Variants in SREBF1 observed in about 807,000 individuals in gnomAD.
SREBF1 encodes sterol regulatory element-binding protein 1.
In SREBF1, 45 loss-of-function variants were observed where a neutral mutation model predicts 100.1. The observed-to-expected ratio is 0.45, with a 90% CI of 0.35 to 0.58. SREBF1 has a LOEUF of 0.58. Among genes scored for constraint, SREBF1 ranks in the 20% least tolerant of loss-of-function variants. SREBF1 has a pLI of 0.00. For missense variants in SREBF1, 1,324 were observed against 1,539.4 expected (o/e 0.86, Z 2.34); for synonymous variants, 657 against 681.8 (o/e 0.96, Z 0.57).
Position 17,836,771 on chromosome 17 carries a change from C to T in SREBF1, c.47G>A (p.Gly16Asp). The change falls in exon 1 of 19, where the codon GGC becomes GAC. Residue 16 changes from glycine to aspartate, a missense_variant. Gly to Asp is a moderately conservative substitution (Grantham distance 94). Transcript: ENST00000261646. ...FSEAALEQAL[G>D]EPCDLDAALL... Reference sequence around the variant, plus strand: ...CGCCGCGTCCAGATCGCACGGCTCGCCCAGCGCCTGCTCCAAAGCCGCCTC... The same window carrying T: ...CGCCGCGTCCAGATCGCACGGCTCGTCCAGCGCCTGCTCCAAAGCCGCCTC... 6.4e-7 allele frequency: 1 copy of T among 1,569,094 alleles called. No individual in the cohort carries two copies. Among genetic ancestry groups the T allele is most frequent in the Non-Finnish European group, 8.6e-7 (1 of 1,165,532 alleles).
chr17:17,817,628 CG>C lies in SREBF1; in HGVS notation c.1404+67del, dbSNP rs2033736205. On this transcript the variant is annotated intron_variant, in intron 7 of 18. Coordinates refer to ENST00000261646, the MANE Select transcript of SREBF1 (RefSeq NM_004176.5). This position sits in a 1 kb window ranked among gnomAD's most constrained non-coding sequence, Gnocchi z 6.6. ...GAGGTAGGATCTGTTAGGGTCTTCCCGGCCCTGTCATGAGGCTCAGAGGATA... is the reference window on the plus strand; with the variant it reads ...GAGGTAGGATCTGTTAGGGTCTTCCCGCCCTGTCATGAGGCTCAGAGGATA... 1 of 1,595,106 alleles carries C rather than the reference CG, an allele frequency of 6.3e-7. No homozygotes were observed.
intron 1 of SREBF1, among the ~76,000 whole-genome samples, chr17:17,836,444 G>A (rs1295842904): frequency 6.6e-6 from 1 of 152,244 alleles, no homozygotes; most frequent in Non-Finnish European, 1.5e-5. Context: ...GGCGGCACCC[G>A]GCCTGGGACG....
intron 1 of SREBF1, among the ~76,000 whole-genome samples, chr17:17,836,096 G>T (rs1490987777): frequency 3.3e-5 from 5 of 152,268 alleles, no homozygotes; most frequent in Admixed American, 3.3e-4. Flanking sequence ...GGTTTCCCGG[G>T]AGATTTTTGT....
chr17:17,820,705 T>G, intron 1 of SREBF1, 184 bp from the exon 2 acceptor site: 1 of 690,418 alleles, frequency 1.4e-6, no homozygotes, highest in Non-Finnish European at 2.6e-6. Context: ...ACAGCCATTT[T>G]GCGAGCACCT....
chr17:17,830,309 G>A (rs73297865), intron 1 of SREBF1, among the ~76,000 whole-genome samples: 3,570 of 152,326 alleles, frequency 0.023, 142 homozygotes, highest in African/African-American at 0.081. Context: ...GATTATAGGC[G>A]TGAGCCACTG....
Position 17,822,921 on chromosome 17 carries a change from T to C in SREBF1, c.92-2400A>G, listed in dbSNP as rs570225641. Among the ~76,000 whole-genome samples, 4 of 152,290 alleles carry C rather than the reference T, an allele frequency of 2.6e-5. No homozygotes were observed. The South Asian group carries it at 8.3e-4, about 32-fold the overall frequency. ...ACAGGATGGGGTGGCAGCCCCAGTCTTCCTGGCTTCTCAAGTAGAAACTCT... is the reference window on the plus strand; with the variant it reads ...ACAGGATGGGGTGGCAGCCCCAGTCCTCCTGGCTTCTCAAGTAGAAACTCT... On this transcript the variant is annotated intron_variant, in intron 1 of 18. Coordinates refer to ENST00000261646, the MANE Select transcript of SREBF1 (RefSeq NM_004176.5).
In SREBF1 at chr17:17,820,132, G is replaced by A. The variant is rs2033983059; in HGVS notation, c.481C>T (p.Pro161Ser). Residue 161 changes from proline (P) to serine (S), a missense_variant, in exon 2 of 19, where the codon CCT (proline) becomes TCT (serine). Physicochemically the swap from Pro to Ser is moderately conservative, Grantham distance 74. Transcript: ENST00000261646. Reference protein sequence around the residue: ...APAPPQFSSTPVLGYPSPPGG... With the variant: ...APAPPQFSSTSVLGYPSPPGG... The stretch of plus-strand genomic sequence containing the variant: ...GGAGGGCTGGGGTAGCCTAACACAG[G>A]GGTGGAGCTGAACTGCGGTGGGGCT... 6.2e-7 allele frequency: 1 copy of A among 1,612,994 alleles called. No individual in the cohort carries two copies. The highest frequency in any genetic ancestry group is 1.3e-5 in the African/African-American group (1 of 74,902).
In SREBF1 at chr17:17,812,274, G is replaced by A; in HGVS notation, c.*348C>T. ...CCTGCTTGCAGTCCGGGAAAGCCAA[G>A]TTGGCTTCCGTCAGCACAGGGAAAT... On this transcript the variant is annotated 3_prime_UTR_variant, in exon 19 of 19. Transcript: ENST00000261646. 1 of 433,938 alleles carries A rather than the reference G, an allele frequency of 2.3e-6. No individual in the cohort carries two copies. Among genetic ancestry groups the A allele is most frequent in the South Asian group, 2.3e-5 (1 of 44,134 alleles). 26.9% of individuals were successfully genotyped at this position (433,938 alleles called of 1,614,324 possible).
Position 17,817,568 on chromosome 17 carries a change from G to A in SREBF1, c.1405-111C>T, listed in dbSNP as rs2143014007. The A allele has an allele frequency of 6.6e-7, 1 of 1,522,270 alleles. No individual in the cohort carries two copies. The highest frequency in any genetic ancestry group is 9.0e-7 in the Non-Finnish European group (1 of 1,117,194). 94.3% of individuals were successfully genotyped at this position (1,522,270 alleles called of 1,614,324 possible). ...CCCACCTTACTGTGGGACCCCACGTGGCTCCAGGCCTCAGTTATTCTGTCT... is the reference window on the plus strand; with the variant it reads ...CCCACCTTACTGTGGGACCCCACGTAGCTCCAGGCCTCAGTTATTCTGTCT... On this transcript the variant is annotated intron_variant, in intron 7 of 18. Transcript: ENST00000261646. This position sits in a 1 kb window ranked among gnomAD's most constrained non-coding sequence, Gnocchi z 6.6.
rs775175384 is a variant in SREBF1 at position 17,812,629 on chromosome 17, G to T, written c.3437C>A (p.Ser1146Tyr). The T allele has an allele frequency of 6.2e-7, 1 of 1,603,898 alleles. No individual in the cohort carries two copies. The highest frequency in any genetic ancestry group is 8.5e-7 in the Non-Finnish European group (1 of 1,175,112). ...MRLGGGTTVT[S>Y]S ...AGGCCGGGGACACGGGGTCTAGCTG[G>T]AAGTGACAGTGGTCCCACCGCCCAG... Residue 1146 changes from serine to tyrosine, a missense_variant, in exon 19 of 19, where the codon TCC (serine) becomes TAC (tyrosine). By Grantham distance (144) the Ser-to-Tyr change is moderately radical. Coordinates refer to ENST00000261646, the MANE Select transcript of SREBF1 (RefSeq NM_004176.5).
intron 1 of SREBF1, among the ~76,000 whole-genome samples, chr17:17,835,246 G>A (rs566813131): frequency 1.3e-5 from 2 of 152,282 alleles, no homozygotes; most frequent in East Asian, 3.9e-4. Flanking sequence ...TGTGGAACTG[G>A]TAGTTGAGTC....
chr17:17,813,531 G>A, intron 17 of SREBF1, 38 bp downstream of exon 17: 2 of 1,590,880 alleles, frequency 1.3e-6, no homozygotes, highest in African/African-American at 1.3e-5. Context: ...ACCACTGCCT[G>A]ACTCCCCGTC....
rs764573894 is a variant in SREBF1 at position 17,832,721 on chromosome 17, C to A, written c.91+4006G>T. Reference sequence around the variant, plus strand: ...AGATCATGAGGTCAGGAGATCGAGACCATCCTGGCTAACACGGTGAAACCC... The same window carrying A: ...AGATCATGAGGTCAGGAGATCGAGAACATCCTGGCTAACACGGTGAAACCC... On this transcript the variant is annotated intron_variant, in intron 1 of 18. Coordinates refer to ENST00000261646, the MANE Select transcript of SREBF1 (RefSeq NM_004176.5). 1.1e-3 allele frequency among the ~76,000 whole-genome samples: 160 copies of A among 152,156 alleles called. 1 individual carries two copies. The highest frequency in any genetic ancestry group is 2.0e-3 in the Non-Finnish European group (139 of 67,992).
intron 1 of SREBF1, among the ~76,000 whole-genome samples, chr17:17,833,241 G>T (rs2034986482): frequency 1.3e-5 from 2 of 151,130 alleles, no homozygotes; most frequent in African/African-American, 4.9e-5. Flanking sequence ...GGCTAACATG[G>T]TGAAACCCCA....
intron 1 of SREBF1, among the ~76,000 whole-genome samples, 157 bp downstream of exon 1, chr17:17,836,560 GGAGGCTCGGT>G (rs1171235789): frequency 6.6e-6 from 1 of 152,172 alleles, no homozygotes; most frequent in Non-Finnish European, 1.5e-5. Context: ...CGGGAACCAG[GGAGGCTCGGT>G]GAGGCTCGGG....
At chr17:17,822,819 A>AC (rs1567980199) in intron 1 of SREBF1, among the ~76,000 whole-genome samples, 1 of 152,138 alleles carries the variant, frequency 6.6e-6, no homozygotes, top group Non-Finnish European at 1.5e-5. Flanking sequence ...CCGAGTGGAG[A>AC]CCCAACATTG....
Position 17,815,296 on chromosome 17 carries a change from C to T in SREBF1, c.2417G>A (p.Arg806Gln), listed in dbSNP as rs781581475. 1.6e-5 allele frequency: 26 copies of T among 1,613,488 alleles called. 1 individual carries two copies. In the Admixed American group the frequency reaches 2.3e-4, roughly 14 times the overall value. Residue 806 changes from arginine (R) to glutamine (Q), a missense_variant, in exon 13 of 19, where the codon CGG (arginine) becomes CAG (glutamine). Arg to Gln is a conservative substitution (Grantham distance 43). Transcript: ENST00000261646. ...DPLAQVTQLF[R>Q]EHLLERALNC... is the part of the protein sequence containing the mutation. Reference sequence around the variant, plus strand: ...CAGTGCTCGCTCTAAGAGATGTTCCCGGAATAGCTGAGTCACCTGGGCCAG... The same window carrying T: ...CAGTGCTCGCTCTAAGAGATGTTCCTGGAATAGCTGAGTCACCTGGGCCAG...
chr17:17,824,014 C>T lies in SREBF1; in HGVS notation c.92-3493G>A, dbSNP rs1342118660. 6.6e-6 allele frequency among the ~76,000 whole-genome samples: 1 copy of T among 152,202 alleles called. No homozygotes were observed. The highest frequency in any genetic ancestry group is 1.5e-5 in the Non-Finnish European group (1 of 68,028). ...AGTCCTGGCCCAACACACCAGAACTCTGTGTTCGAAATCACTGGTTCGCTG... is the reference window on the plus strand; with the variant it reads ...AGTCCTGGCCCAACACACCAGAACTTTGTGTTCGAAATCACTGGTTCGCTG... On this transcript the variant is annotated intron_variant, in intron 1 of 18. Coordinates refer to ENST00000261646, the MANE Select transcript of SREBF1 (RefSeq NM_004176.5). This position sits in a 1 kb window ranked among gnomAD's most constrained non-coding sequence, Gnocchi z 4.2.
intron 15 of SREBF1, 76 bp from the exon 16 acceptor site, chr17:17,814,486 C>T (rs555578434): frequency 2.6e-6 from 4 of 1,540,604 alleles, no homozygotes; most frequent in Admixed American, 2.0e-5. Flanking sequence ...ACTTCCCTGG[C>T]TCGAGTTCCC....
Sources: allele counts gnomAD v4.1 joint callset (sites outside exome capture counted in the v4.1 genomes callset), GRCh38; gene constraint gnomAD v4.1.1; non-coding constraint Gnocchi (gnomAD v3.1); transcripts MANE v1.5; gene names NCBI Gene and HGNC (gene_info 2026-07-23, HGNC 2026-07-21).